NCOA5: variants seen among roughly 807,000 people sequenced by gnomAD.
NCOA5 encodes NCoA-5.
Under a neutral mutation model 59.0 loss-of-function variants are expected in NCOA5, and 12 were observed. That is an observed-to-expected ratio of 0.20 (90% confidence interval 0.13 to 0.33). The LOEUF is 0.33. Among genes scored for constraint, NCOA5 ranks in the 10% least tolerant of loss-of-function variants. The pLI, the probability that NCOA5 is intolerant of heterozygous loss-of-function variation, is 1.00. For synonymous variants in NCOA5, 270 were observed against 275.5 expected (o/e 0.98, Z 0.20); for missense variants, 655 against 766.6 (o/e 0.85, Z 1.72).
chr20:46,077,075 G>A (rs375035521), intron 2 of NCOA5, among the ~76,000 whole-genome samples: 129 of 152,130 alleles, frequency 8.5e-4, no homozygotes, highest in African/African-American at 2.3e-3. Context: ...GAGCCATGAC[G>A]CCCGGCTATT....
In NCOA5 at chr20:46,062,668, C is replaced by T. The variant is rs777995358; in HGVS notation, c.1372G>A (p.Gly458Arg). 28 of 1,614,056 alleles carry T rather than the reference C, an allele frequency of 1.7e-5. No individual in the cohort carries two copies. The highest frequency in any genetic ancestry group is 8.3e-5 in the Admixed American group (5 of 60,008). Reference sequence around the variant, plus strand: ...GAAAAATTCTGGTTTGGGGTGTTTCCGGCAGCAACCGAGGGGGATGCAGAG... The same window carrying T: ...GAAAAATTCTGGTTTGGGGTGTTTCTGGCAGCAACCGAGGGGGATGCAGAG... ...SSSASPSVAA[G>R]NTPNQNFSTA... The change falls in exon 8 of 8, where the codon GGA becomes AGA. Residue 458 changes from glycine to arginine, a missense_variant. Around this residue, in one of 3 missense-constraint regions of NCOA5, gnomAD observed 325 missense variants for 353.2 expected, o/e 0.92. Coordinates refer to ENST00000290231, the MANE Select transcript of NCOA5 (RefSeq NM_020967.3).
At chr20:46,067,473 CA>C (rs1452211064) in intron 4 of NCOA5, among the ~76,000 whole-genome samples, 1 of 152,158 alleles carries the variant, frequency 6.6e-6, no homozygotes, top group East Asian at 1.9e-4. Context: ...TATTTCTCCA[CA>C]CCTTAGTCAA....
chr20:46,083,995 T>C (rs769006754), intron 1 of NCOA5, among the ~76,000 whole-genome samples: 2 of 152,236 alleles, frequency 1.3e-5, no homozygotes, highest in Non-Finnish European at 2.9e-5. Flanking sequence ...ATCTCCTTTA[T>C]TCTCCAACTA....
chr20:46,079,294 G>T, intron 2 of NCOA5, 93 bp downstream of exon 2: 1 of 1,199,442 alleles, frequency 8.3e-7, no homozygotes, highest in Non-Finnish European at 1.2e-6. Context: ...TTCACTTGTT[G>T]GGGGGAAGAA....
chr20:46,080,662 C>T (rs1355289308), intron 1 of NCOA5, among the ~76,000 whole-genome samples: 1 of 152,074 alleles, frequency 6.6e-6, no homozygotes, highest in Admixed American at 6.5e-5. Flanking sequence ...TCTTCAATTC[C>T]ATTTTAAATC....
intron 1 of NCOA5, among the ~76,000 whole-genome samples, chr20:46,080,416 TAG>T (rs796597374): frequency 1.1e-4 from 16 of 152,338 alleles, no homozygotes; most frequent in African/African-American, 2.9e-4. Context: ...TCTGCTGCAG[TAG>T]AGTTTGTTCC....
intron 1 of NCOA5, among the ~76,000 whole-genome samples, chr20:46,088,050 C>A (rs946700286): frequency 2.0e-5 from 3 of 151,918 alleles, no homozygotes; most frequent in African/African-American, 4.8e-5. Flanking sequence ...CTTGAATAAG[C>A]CTGAACTGAC....
At chr20:46,064,864 ATAAG>A (rs764994894) in intron 6 of NCOA5, among the ~76,000 whole-genome samples, 161 bp downstream of exon 6, 5 of 152,232 alleles carry the variant, frequency 3.3e-5, no homozygotes, top group African/African-American at 1.2e-4. Flanking sequence ...AAACTATCAG[ATAAG>A]TAAGTGACTA....
Position 46,062,432 on chromosome 20 carries a change from G to C in NCOA5, c.1608C>G (p.Asp536Glu), listed in dbSNP as rs747095434. The change falls in exon 8 of 8, where the codon GAC becomes GAG. Residue 536 changes from aspartate to glutamate, a missense_variant. Coordinates refer to ENST00000290231, the MANE Select transcript of NCOA5 (RefSeq NM_020967.3). ...RPVSSTGINF[D>E]NPSVQKALDT... ...CCAGAGCCTTCTGTACACTTGGATTGTCAAAGTTGATACCTGTGGAAGACA... is the reference window on the plus strand; with the variant it reads ...CCAGAGCCTTCTGTACACTTGGATTCTCAAAGTTGATACCTGTGGAAGACA... The C allele has an allele frequency of 1.2e-6, 2 of 1,614,172 alleles. No individual in the cohort carries two copies. Among genetic ancestry groups the C allele is most frequent in the South Asian group, 2.2e-5 (2 of 91,078 alleles).
Position 46,062,102 on chromosome 20 carries a change from A to G in NCOA5, c.*198T>C. 2.0e-6 allele frequency: 1 copy of G among 488,708 alleles called. No individual in the cohort carries two copies. The highest frequency in any genetic ancestry group is 3.6e-6 in the Non-Finnish European group (1 of 278,898). The allele number at this position is 488,708 out of a possible 1,614,324, so 30.3% of individuals were successfully genotyped here. On this transcript the variant is annotated 3_prime_UTR_variant, in exon 8 of 8. Transcript: ENST00000290231. ...CAAAACAAAAAACAAAAAAAGATACAGCCCCAAATGCAGTATAAACTTTGT... is the reference window on the plus strand; with the variant it reads ...CAAAACAAAAAACAAAAAAAGATACGGCCCCAAATGCAGTATAAACTTTGT...
chr20:46,088,838 C>A (rs956841210), intron 1 of NCOA5, among the ~76,000 whole-genome samples: 2 of 152,200 alleles, frequency 1.3e-5, no homozygotes, highest in Admixed American at 6.5e-5. Flanking sequence ...CAGCGTTTCC[C>A]AAAGTGTGGA....
chr20:46,063,221 C>T, intron 7 of NCOA5, 139 bp downstream of exon 7: 1 of 779,894 alleles, frequency 1.3e-6, no homozygotes, highest in Non-Finnish European at 2.0e-6. Context: ...GCATGGGTGG[C>T]CCACGGGAGA....
At chr20:46,082,078 A>C (rs1191679582) in intron 1 of NCOA5, among the ~76,000 whole-genome samples, 2 of 152,144 alleles carry the variant, frequency 1.3e-5, no homozygotes, top group African/African-American at 4.8e-5. Flanking sequence ...GGGTTCATTT[A>C]AAAAAGATTT....
At chr20:46,068,453 T>C (rs2084847053) in intron 4 of NCOA5, 49 bp downstream of exon 4, 1 of 1,560,916 alleles carries the variant, frequency 6.4e-7, no homozygotes, top group East Asian at 2.3e-5. Context: ...CTCTCTCTTT[T>C]GTAAAGTGTT....
chr20:46,070,219 G>A lies in NCOA5; in HGVS notation c.356C>T (p.Pro119Leu). ...GTAACTACGTATGTACCTGTACATA[G>A]GATCTCGGGAGTCTCTCATGTCTCT... ...RYRDMRDSRD[P>L]MYRREGSYDR... Residue 119 changes from proline to leucine, a missense_variant, in exon 3 of 8, where the codon CCT (proline) becomes CTT (leucine). Pro to Leu is a moderately conservative substitution (Grantham distance 98, BLOSUM62 -3). Coordinates refer to ENST00000290231, the MANE Select transcript of NCOA5 (RefSeq NM_020967.3). The A allele has an allele frequency of 1.2e-6, 2 of 1,613,362 alleles. No individual in the cohort carries two copies. Among genetic ancestry groups the A allele is most frequent in the Non-Finnish European group, 1.7e-6 (2 of 1,179,484 alleles).
At position 46,068,676 on chromosome 20, in the gene NCOA5, T is replaced by C. The variant is rs545723122; in HGVS notation, c.366-38A>G. On this transcript the variant is annotated intron_variant, in intron 3 of 7. Transcript: ENST00000290231. ...GGAAATTTTCATAAAGATAAAACTG[T>C]GTCTTATCCTGAAAAAGTCACCTAG... is the stretch of plus-strand genomic sequence containing the variant. 27 of 1,586,338 alleles carry C rather than the reference T, an allele frequency of 1.7e-5. 1 individual carries two copies. Among genetic ancestry groups the C allele is most frequent in the African/African-American group, 1.5e-4 (11 of 73,466 alleles).
At chr20:46,084,395 T>A (rs1046474897) in intron 1 of NCOA5, among the ~76,000 whole-genome samples, 3 of 152,196 alleles carry the variant, frequency 2.0e-5, no homozygotes, top group African/African-American at 7.2e-5. Flanking sequence ...TGATGGAACC[T>A]GGAAAAGGTC....
In NCOA5 at chr20:46,062,513, A is replaced by G; in HGVS notation, c.1527T>C (p.Phe509=). ...PRPGAPSQGL[F]GQPSSRLAPA... ...GTGCCAGGCGACTGGAAGGCTGGCC[A>G]AAAAGCCCTTGGGAAGGAGCCCCAG... The change falls in exon 8 of 8, where the codon TTT becomes TTC. Residue 509 remains phenylalanine (F), a synonymous_variant. Coordinates refer to ENST00000290231, the MANE Select transcript of NCOA5 (RefSeq NM_020967.3). The G allele has an allele frequency of 6.2e-7, 1 of 1,614,164 alleles. No individual in the cohort carries two copies. Among genetic ancestry groups the G allele is most frequent in the South Asian group, 1.1e-5 (1 of 91,084 alleles).
chr20:46,075,596 GT>G (rs1417233191), intron 2 of NCOA5, among the ~76,000 whole-genome samples: 1 of 152,120 alleles, frequency 6.6e-6, no homozygotes, highest in Admixed American at 6.5e-5. Flanking sequence ...AATTCTATTT[GT>G]TCTTCTTTAA....
Sources: allele counts gnomAD v4.1 joint callset (sites outside exome capture counted in the v4.1 genomes callset), GRCh38; gene constraint gnomAD v4.1.1; regional missense constraint gnomAD v4.1.1; transcripts MANE v1.5; gene names NCBI Gene and HGNC (gene_info 2026-07-23, HGNC 2026-07-21).